Variants in CERT1 observed in about 807,000 individuals in gnomAD.
CERT1 encodes ceramide transfer protein.
Under a neutral mutation model 87.9 loss-of-function variants are expected in CERT1, and 31 were observed. The ratio of observed to expected loss-of-function variants is 0.35; its 90% CI spans 0.27 to 0.48. The LOEUF is 0.48. Ranked by LOEUF, CERT1 falls within the 20% of genes least tolerant of loss-of-function variation. CERT1 has a pLI of 0.99. For synonymous variants in CERT1, 289 were observed against 250.9 expected (o/e 1.15, Z -1.44); for missense variants, 487 against 758.0 (o/e 0.64, Z 4.20).
chr5:75,449,637 T>C (rs1399889458), intron 3 of CERT1, among the ~76,000 whole-genome samples: 3 of 152,118 alleles, frequency 2.0e-5, no homozygotes, highest in African/African-American at 7.2e-5. Flanking sequence ...GTGTGCACAA[T>C]TTATAACTTA....
In CERT1 at chr5:75,442,076, A is replaced by G. The variant is rs747364851; in HGVS notation, c.349-15598T>C. ...TGCCAACACTTGTTATTTATTTGAT[A>G]ATAGCCACCCTAATGGGTTTAAGGT... On this transcript the variant is annotated intron_variant, in intron 3 of 16. Transcript: ENST00000643780. Among the ~76,000 whole-genome samples, 70 of 152,312 alleles carry G rather than the reference A, an allele frequency of 4.6e-4. 1 individual carries two copies. Among genetic ancestry groups the G allele is most frequent in the Middle Eastern group, 3.4e-3 (1 of 294 alleles).
intron 2 of CERT1, among the ~76,000 whole-genome samples, chr5:75,504,488 A>C (rs1767560526): frequency 1.3e-5 from 2 of 152,342 alleles, no homozygotes; most frequent in South Asian, 4.1e-4. Flanking sequence ...TAATGTATAA[A>C]AAATAATGTA....
chr5:75,461,953 CAG>C (rs1205623329), intron 2 of CERT1, among the ~76,000 whole-genome samples: 2 of 152,206 alleles, frequency 1.3e-5, no homozygotes, highest in Middle Eastern at 3.4e-3. Flanking sequence ...AAACTTCTAA[CAG>C]ATTGTTTCAT....
intron 3 of CERT1, among the ~76,000 whole-genome samples, chr5:75,428,545 G>C (rs143981916): frequency 0.078 from 11,885 of 152,084 alleles, 558 homozygotes; most frequent in South Asian, 0.17. Context: ...GGGCGCAGTG[G>C]CGGGCGCCTG....
chr5:75,390,832 G>A (rs1243941981), intron 11 of CERT1, among the ~76,000 whole-genome samples: 1 of 152,124 alleles, frequency 6.6e-6, no homozygotes, highest in Non-Finnish European at 1.5e-5. Context: ...CAGAGACAGG[G>A]TTATTTTGTC....
intron 3 of CERT1, among the ~76,000 whole-genome samples, chr5:75,449,898 T>C (rs932631496): frequency 6.6e-5 from 10 of 152,228 alleles, no homozygotes; most frequent in Non-Finnish European, 5.9e-5. Flanking sequence ...AAACTTTTTG[T>C]ATTGATTTTT....
At chr5:75,511,919 G>GTA (rs1048990142), upstream of CERT1, 103 of 1,209,144 alleles carry the variant, frequency 8.5e-5, no homozygotes, top group Admixed American at 1.1e-3. Flanking sequence ...TAACGGGTGA[G>GTA]TATCCCGCGC....
At chr5:75,496,593 A>AT (rs1357636526) in intron 2 of CERT1, among the ~76,000 whole-genome samples, 1 of 152,228 alleles carries the variant, frequency 6.6e-6, no homozygotes, top group African/African-American at 2.4e-5. Context: ...TGGTGAATGC[A>AT]TAAGCAAAAT....
intron 3 of CERT1, among the ~76,000 whole-genome samples, chr5:75,436,707 T>C (rs1260864563): frequency 6.6e-6 from 1 of 152,224 alleles, no homozygotes; most frequent in African/African-American, 2.4e-5. Flanking sequence ...ATAATCCATA[T>C]TTTATAATAT....
intron 3 of CERT1, among the ~76,000 whole-genome samples, chr5:75,458,181 GATTT>G (rs773657748): frequency 2.9e-4 from 44 of 152,220 alleles, no homozygotes; most frequent in Admixed American, 2.2e-3. Context: ...TAATAATACA[GATTT>G]ATTAATGTAT....
chr5:75,398,349 TTA>T (rs1476285095), intron 11 of CERT1, among the ~76,000 whole-genome samples: 39 of 152,240 alleles, frequency 2.6e-4, no homozygotes, highest in African/African-American at 7.0e-4. Context: ...CTCAAAGAAA[TTA>T]TGTTATAATA....
chr5:75,478,696 G>A (rs1190338331), intron 2 of CERT1, among the ~76,000 whole-genome samples: 1 of 151,956 alleles, frequency 6.6e-6, no homozygotes, highest in Non-Finnish European at 1.5e-5. Flanking sequence ...CCTAAAGTAA[G>A]CACTATCAAA....
chr5:75,427,896 G>T lies in CERT1; in HGVS notation c.349-1418C>A, dbSNP rs1411995607. On this transcript the variant is annotated intron_variant, in intron 3 of 16. Coordinates refer to ENST00000643780, the MANE Select transcript of CERT1 (RefSeq NM_001379029.1). The stretch of plus-strand genomic sequence containing the variant: ...AATTTTAATTCTACTCAATAAACAA[G>T]TGGTAAAATAATATCTAATTATTTT... 3.3e-5 allele frequency among the ~76,000 whole-genome samples: 5 copies of T among 151,964 alleles called. No homozygotes were observed. In the South Asian group the frequency reaches 1.0e-3, roughly 31 times the overall value.
intron 7 of CERT1, among the ~76,000 whole-genome samples, chr5:75,411,754 C>T (rs1443031622): frequency 6.6e-6 from 1 of 152,142 alleles, no homozygotes; most frequent in Non-Finnish European, 1.5e-5. Flanking sequence ...ACCTACTATA[C>T]ATTCTTATAC....
At chr5:75,417,426 T>C (rs1469849691) in intron 6 of CERT1, among the ~76,000 whole-genome samples, 1 of 152,128 alleles carries the variant, frequency 6.6e-6, no homozygotes, top group Non-Finnish European at 1.5e-5. Context: ...CTAAAGAATC[T>C]AATAAAATAA....
At chr5:75,385,397 G>A (rs566342900) in intron 13 of CERT1, among the ~76,000 whole-genome samples, 1 of 152,276 alleles carries the variant, frequency 6.6e-6, no homozygotes, top group Non-Finnish European at 1.5e-5. Flanking sequence ...CACTTGAACT[G>A]GGGAGGTAAA....
chr5:75,467,722 A>C (rs1765531813), intron 2 of CERT1, among the ~76,000 whole-genome samples: 1 of 151,874 alleles, frequency 6.6e-6, no homozygotes, highest in Admixed American at 6.6e-5. Context: ...GACTGTGATG[A>C]TTGTTACAAG....
chr5:75,479,700 T>C (rs1026048132), intron 2 of CERT1, among the ~76,000 whole-genome samples: 1 of 152,208 alleles, frequency 6.6e-6, no homozygotes, highest in Non-Finnish European at 1.5e-5. Flanking sequence ...TGATGGACAT[T>C]TAGGTTGACT....
At chr5:75,371,384 C>T (rs1427922062) in intron 17 of CERT1, 2 of 152,152 alleles carry the variant, frequency 1.3e-5, no homozygotes, top group African/African-American at 4.8e-5. Context: ...TTAAAGATAA[C>T]CAGCACAATT....
Sources: allele counts gnomAD v4.1 joint callset (sites outside exome capture counted in the v4.1 genomes callset), GRCh38; gene constraint gnomAD v4.1.1; transcripts MANE v1.5; gene names NCBI Gene and HGNC (gene_info 2026-07-23, HGNC 2026-07-21).